RSU1: variants seen among roughly 807,000 people sequenced by gnomAD.
RSU1 encodes Ras suppressor protein 1.
A neutral mutation model predicts 31.1 loss-of-function variants in RSU1; 26 were observed. The observed-to-expected ratio is 0.84, with a 90% CI of 0.61 to 1.16. RSU1 has a LOEUF of 1.16. Among genes scored for constraint, RSU1 ranks in the 50% most tolerant of loss-of-function variants. RSU1 has a pLI of 0.00. For missense variants in RSU1, 320 were observed against 339.1 expected, an observed-to-expected ratio of 0.94 and a Z score of 0.44; for synonymous variants, 164 against 136.3, an observed-to-expected ratio of 1.20 and a Z score of -1.41.
intron 8 of RSU1, among the ~76,000 whole-genome samples, chr10:16,668,190 T>C (rs1835036478): frequency 6.6e-6 from 1 of 152,210 alleles, no homozygotes; most frequent in Non-Finnish European, 1.5e-5. Flanking sequence ...CTCATAGAGT[T>C]ATCATGATTA....
chr10:16,730,394 A>G (rs1836484305), intron 7 of RSU1, among the ~76,000 whole-genome samples: 1 of 152,194 alleles, frequency 6.6e-6, no homozygotes, highest in African/African-American at 2.4e-5. Flanking sequence ...CACCATGTGA[A>G]CAAACCCAAG....
chr10:16,667,920 C>G (rs2131533847), intron 8 of RSU1, among the ~76,000 whole-genome samples: 1 of 152,114 alleles, frequency 6.6e-6, no homozygotes, highest in Middle Eastern at 3.4e-3. Flanking sequence ...AAGTTACATT[C>G]TAGTAGAAAA....
intron 7 of RSU1, among the ~76,000 whole-genome samples, chr10:16,708,069 G>A (rs1413432398): frequency 1.3e-5 from 2 of 152,034 alleles, no homozygotes; most frequent in African/African-American, 4.8e-5. Flanking sequence ...TGTTCCACTG[G>A]TTTATGCGTC....
At chr10:16,782,792 ACAAAAG>A (rs1837681866) in intron 2 of RSU1, among the ~76,000 whole-genome samples, 1 of 152,230 alleles carries the variant, frequency 6.6e-6, no homozygotes, top group South Asian at 2.1e-4. Context: ...ATACAGAGCC[ACAAAAG>A]TAAAAGAGAG....
chr10:16,608,141 G>C (rs566822262), intron 8 of RSU1, among the ~76,000 whole-genome samples: 37 of 152,320 alleles, frequency 2.4e-4, no homozygotes, highest in African/African-American at 8.7e-4. Context: ...AGTATCATGA[G>C]ATTTTAGACA....
chr10:16,724,952 C>T (rs959444707), intron 7 of RSU1, among the ~76,000 whole-genome samples: 2 of 152,162 alleles, frequency 1.3e-5, no homozygotes, highest in Admixed American at 6.5e-5. Context: ...CATGTAGAAT[C>T]CCAAAACAGC....
chr10:16,742,128 T>C (rs1288256123), intron 7 of RSU1, among the ~76,000 whole-genome samples: 2 of 152,182 alleles, frequency 1.3e-5, no homozygotes, highest in African/African-American at 4.8e-5. Flanking sequence ...TTAAAATCAC[T>C]CTACGTATGT....
At chr10:16,597,765 T>C (rs1022861715) in intron 8 of RSU1, among the ~76,000 whole-genome samples, 7 of 152,226 alleles carry the variant, frequency 4.6e-5, no homozygotes, top group Non-Finnish European at 1.0e-4. Context: ...CAAACACCTC[T>C]GGAACAAAGG....
rs17138860 is a variant in RSU1, at chr10:16,619,447, C to T, written c.732-25951G>A. On this transcript the variant is annotated intron_variant, in intron 8 of 8. Coordinates refer to ENST00000345264, the MANE Select transcript of RSU1 (RefSeq NM_012425.4). ...GAACCAATCTAGGCACATCGGGTTC[C>T]CTGCTCTTTCTCTTGGGAGGTACCA... Among the ~76,000 whole-genome samples the T allele has an allele frequency of 5.0e-3, 763 of 152,310 alleles. 6 individuals carry two copies. Among genetic ancestry groups the T allele is most frequent in the African/African-American group, 0.017 (720 of 41,572 alleles).
chr10:16,631,518 C>CTG (rs1413137387), intron 8 of RSU1, among the ~76,000 whole-genome samples: 4 of 152,222 alleles, frequency 2.6e-5, no homozygotes, highest in Non-Finnish European at 4.4e-5. Context: ...GATCCCTGTA[C>CTG]TGTGCCCTAG....
In RSU1 at chr10:16,780,319, GTCA is replaced by G. The variant is rs534492475; in HGVS notation, c.160+1712_160+1714del. Among the ~76,000 whole-genome samples, 491 of 152,298 alleles carry G rather than the reference GTCA, an allele frequency of 3.2e-3. 4 individuals carry two copies. The highest frequency in any genetic ancestry group is 0.011 in the African/African-American group (474 of 41,544). On this transcript the variant is annotated intron_variant, in intron 3 of 8. Coordinates refer to ENST00000345264, the MANE Select transcript of RSU1 (RefSeq NM_012425.4). Reference sequence around the variant, plus strand: ...GTCGTCCAGGCTGCAGAGCAGGGTCGTCATCATGGCTCACTGCAACCTCGACCT... The same window carrying G: ...GTCGTCCAGGCTGCAGAGCAGGGTCGTCATGGCTCACTGCAACCTCGACCT...
rs1051016222 is a variant in RSU1, at chr10:16,591,127, G to C, written c.*2267C>G. ...GGGTTTCACCGTGTTGCCCAGGCTG[G>C]TCTCAAACTCCTGAGCTCAGGCAAT... On this transcript the variant is annotated 3_prime_UTR_variant, in exon 9 of 9. Coordinates refer to ENST00000345264, the MANE Select transcript of RSU1 (RefSeq NM_012425.4). The C allele has an allele frequency of 3.9e-5, 6 of 152,252 alleles. No individual in the cohort carries two copies. The highest frequency in any genetic ancestry group is 1.2e-4 in the African/African-American group (5 of 41,438). The allele number at this position is 152,252 out of a possible 1,614,324, so 9.4% of individuals were successfully genotyped here.
intron 8 of RSU1, among the ~76,000 whole-genome samples, chr10:16,600,976 C>T (rs990494770): frequency 2.0e-5 from 3 of 152,156 alleles, no homozygotes; most frequent in African/African-American, 7.2e-5. Flanking sequence ...CCCCACCCCG[C>T]GGAGCCATTC....
intron 8 of RSU1, among the ~76,000 whole-genome samples, chr10:16,606,438 C>T (rs1432272618): frequency 2.0e-5 from 3 of 152,000 alleles, no homozygotes; most frequent in Non-Finnish European, 4.4e-5. Context: ...CTAAAATTAA[C>T]ATAAAAGTAG....
At chr10:16,733,569 T>A (rs906877255) in intron 7 of RSU1, among the ~76,000 whole-genome samples, 2 of 152,012 alleles carry the variant, frequency 1.3e-5, no homozygotes, top group African/African-American at 4.8e-5. Flanking sequence ...TTTGCTATAG[T>A]TCAAGTAGTG....
At chr10:16,797,476 A>T (rs911012767) in intron 2 of RSU1, among the ~76,000 whole-genome samples, 2 of 152,262 alleles carry the variant, frequency 1.3e-5, no homozygotes, top group African/African-American at 4.8e-5. Context: ...AATTAATTTC[A>T]TTTAAAAATG....
intron 2 of RSU1, among the ~76,000 whole-genome samples, chr10:16,792,877 C>A (rs1026754517): frequency 6.6e-6 from 1 of 152,198 alleles, no homozygotes; most frequent in Non-Finnish European, 1.5e-5. Flanking sequence ...TGGAAGCTGG[C>A]CAGATGTCAG....
chr10:16,609,693 T>C lies in RSU1; in HGVS notation c.732-16197A>G, dbSNP rs111893592. Among the ~76,000 whole-genome samples the C allele has an allele frequency of 5.2e-3, 791 of 152,282 alleles. 5 individuals carry two copies. The highest frequency in any genetic ancestry group is 0.018 in the African/African-American group (731 of 41,530). On this transcript the variant is annotated intron_variant, in intron 8 of 8. Transcript: ENST00000345264. ...GTCTCCTACTACCCCAACAATATTCTCATGGAAAAGTATTCTTCCCTGAAA... is the reference window on the plus strand; with the variant it reads ...GTCTCCTACTACCCCAACAATATTCCCATGGAAAAGTATTCTTCCCTGAAA...
At chr10:16,760,373 G>A (rs923330296) in intron 4 of RSU1, among the ~76,000 whole-genome samples, 1 of 151,932 alleles carries the variant, frequency 6.6e-6, no homozygotes, top group African/African-American at 2.4e-5. Context: ...GCTGGGTGTG[G>A]GTGTGTGCAC....
Sources: gnomAD v4.1 joint callset for allele counts (sites outside exome capture counted in the v4.1 genomes callset) on GRCh38, gnomAD v4.1.1 for gene constraint, MANE v1.5 for transcripts, NCBI Gene and HGNC (gene_info 2026-07-23, HGNC 2026-07-21) for gene names.